The following WDPCP variants were observed in gnomAD, a reference collection of about 807,000 sequenced individuals.
WDPCP encodes the protein WD repeat containing planar cell polarity effector.
In WDPCP, 71 loss-of-function variants were observed where a neutral mutation model predicts 93.1. The observed-to-expected ratio is 0.76, with a 90% confidence interval of 0.63 to 0.93. WDPCP has a LOEUF of 0.93. WDPCP is among the 40% of genes least tolerant of loss of function. WDPCP has a pLI of 0.00. For synonymous variants in WDPCP, 315 were observed against 315.0 expected (o/e 1.00, Z 0.00); for missense variants, 844 against 887.4 (o/e 0.95, Z 0.62).
chr2:63,665,865 G>C (rs1454992618), intron 2 of WDPCP, among the ~76,000 whole-genome samples: 1 of 152,222 alleles, frequency 6.6e-6, no homozygotes, highest in African/African-American at 2.4e-5. Context: ...TACACAGGAA[G>C]GCAGATCCCT....
chr2:63,445,187 A>G (rs976905683), intron 6 of WDPCP, among the ~76,000 whole-genome samples: 1 of 152,218 alleles, frequency 6.6e-6, no homozygotes, highest in Non-Finnish European at 1.5e-5. Flanking sequence ...ACATGTCAGG[A>G]AACAAAAGTA....
chr2:63,692,500 A>T (rs1308355724), intron 2 of WDPCP, among the ~76,000 whole-genome samples: 1 of 152,200 alleles, frequency 6.6e-6, no homozygotes, highest in Non-Finnish European at 1.5e-5. Context: ...TTCAACACAG[A>T]TATCAAGAGC....
At position 63,760,468 on chromosome 2, in the gene WDPCP, A is replaced by G. The variant is rs78452629; in HGVS notation, n.308+53154T>C. Among the ~76,000 whole-genome samples the G allele has an allele frequency of 4.2e-3, 638 of 151,984 alleles. 5 individuals are homozygous for G. Among genetic ancestry groups the G allele is most frequent in the African/African-American group, 0.015 (610 of 41,422 alleles). On this transcript the variant is annotated intron_variant and non_coding_transcript_variant, in intron 2 of 4. Transcript: ENST00000467687. The stretch of plus-strand genomic sequence containing the variant: ...TCCCTTCCTGCCCCTAACAACTTCT[A>G]GAACTTATAGGCAAACTAGATTCCT...
chr2:63,389,861 A>G (rs2104999751), intron 10 of WDPCP, among the ~76,000 whole-genome samples: 1 of 152,290 alleles, frequency 6.6e-6, no homozygotes, highest in South Asian at 2.1e-4. Flanking sequence ...CTAAATATAT[A>G]TGCACCCAAT....
At chr2:63,811,383 A>G (rs1670860289) in intron 2 of WDPCP, among the ~76,000 whole-genome samples, 1 of 152,198 alleles carries the variant, frequency 6.6e-6, no homozygotes, top group Non-Finnish European at 1.5e-5. Context: ...TGAAGTAAGC[A>G]GCCAAGTTGG....
chr2:63,220,538 T>C (rs1312786814), intron 14 of WDPCP, among the ~76,000 whole-genome samples: 2 of 151,996 alleles, frequency 1.3e-5, no homozygotes, highest in Non-Finnish European at 2.9e-5. Flanking sequence ...AGGTTTACTC[T>C]GAGTCGTTGT....
intron 6 of WDPCP, among the ~76,000 whole-genome samples, chr2:63,458,123 A>C (rs997934912): frequency 1.4e-5 from 2 of 141,644 alleles, no homozygotes; most frequent in Admixed American, 7.0e-5. Context: ...ACTCCGTCTC[A>C]AAAAAAAAAA....
chr2:63,639,568 T>C (rs528992732), intron 3 of WDPCP, among the ~76,000 whole-genome samples: 2 of 152,322 alleles, frequency 1.3e-5, no homozygotes, highest in South Asian at 4.2e-4. Flanking sequence ...CCCACTACCA[T>C]GGTAACCCAC....
intron 13 of WDPCP, among the ~76,000 whole-genome samples, chr2:63,303,868 A>G (rs1488508578): frequency 1.3e-5 from 2 of 151,916 alleles, no homozygotes; most frequent in Admixed American, 1.3e-4. Flanking sequence ...GTCAATAAAC[A>G]TATGAAAAAA....
chr2:63,836,562 A>T, the WDPCP span, among the ~76,000 whole-genome samples: 1 of 152,192 alleles, frequency 6.6e-6, no homozygotes, highest in African/African-American at 2.4e-5. Context: ...TCAAATTATA[A>T]TCACATAACA....
intron 17 of WDPCP, among the ~76,000 whole-genome samples, chr2:63,125,905 C>T (rs1046425540): frequency 4.6e-4 from 69 of 151,252 alleles, no homozygotes; most frequent in African/African-American, 1.4e-3. Flanking sequence ...GCCACCTCGC[C>T]AGGCTGCTTT....
intron 3 of WDPCP, among the ~76,000 whole-genome samples, chr2:63,639,023 G>C (rs1709951661): frequency 6.6e-6 from 1 of 152,206 alleles, no homozygotes; most frequent in South Asian, 2.1e-4. Context: ...CAACTTAGGT[G>C]AAATGAATCA....
intron 14 of WDPCP, among the ~76,000 whole-genome samples, chr2:63,183,013 A>C (rs1022238516): frequency 6.6e-6 from 1 of 151,464 alleles, no homozygotes; most frequent in African/African-American, 2.4e-5. Context: ...CTGATTGTTT[A>C]TTGGATCTTC....
chr2:63,701,143 A>C (rs987590374), intron 2 of WDPCP, among the ~76,000 whole-genome samples: 3 of 152,242 alleles, frequency 2.0e-5, no homozygotes, highest in African/African-American at 7.2e-5. Context: ...TAAGGAGCTC[A>C]AACAACTCAA....
intron 12 of WDPCP, among the ~76,000 whole-genome samples, chr2:63,352,492 C>T (rs906832310): frequency 1.2e-4 from 18 of 151,966 alleles, no homozygotes; most frequent in Non-Finnish European, 5.9e-5. Flanking sequence ...TGTTGAGTGC[C>T]GATACTTTAT....
At chr2:63,232,163 C>T (rs1396301834) in intron 14 of WDPCP, among the ~76,000 whole-genome samples, 1 of 152,152 alleles carries the variant, frequency 6.6e-6, no homozygotes, top group African/African-American at 2.4e-5. Flanking sequence ...TTCCTTACGC[C>T]TTATACAAAA....
At chr2:63,323,696 C>T (rs535538318) in intron 12 of WDPCP, among the ~76,000 whole-genome samples, 17 of 152,060 alleles carry the variant, frequency 1.1e-4, no homozygotes, top group Admixed American at 7.9e-4. Flanking sequence ...GAGAATGTGT[C>T]GGTAAGGGCC....
At chr2:63,413,080 AAG>A (rs1695140759) in intron 9 of WDPCP, among the ~76,000 whole-genome samples, 1 of 152,216 alleles carries the variant, frequency 6.6e-6, no homozygotes, top group Admixed American at 6.5e-5. Context: ...ATTAAGCAAA[AAG>A]AACAAATCTG....
At position 63,121,811 on chromosome 2, in the gene WDPCP, C is replaced by T. The variant is rs55807617; in HGVS notation, c.*195G>A. On this transcript the variant is annotated 3_prime_UTR_variant, in exon 18 of 18. Coordinates refer to ENST00000272321, the MANE Select transcript of WDPCP (RefSeq NM_015910.7). Reference sequence around the variant, plus strand: ...TAGGTTGAAGACTTTTACTTACGATCACTTTGCTGTTATGCTGCATGTTTT... The same window carrying T: ...TAGGTTGAAGACTTTTACTTACGATTACTTTGCTGTTATGCTGCATGTTTT... The T allele has an allele frequency of 5.8e-3, 7,667 of 1,323,414 alleles. 297 individuals are homozygous for T. In the African/African-American group the frequency reaches 0.091, roughly 16 times the overall value. 82.0% of individuals were successfully genotyped at this position (1,323,414 alleles called of 1,614,324 possible).
Sources: allele counts gnomAD v4.1 joint callset (sites outside exome capture counted in the v4.1 genomes callset), GRCh38; gene constraint gnomAD v4.1.1; transcripts MANE v1.5; gene names NCBI Gene and HGNC (gene_info 2026-07-23, HGNC 2026-07-21).